The following COL17A1 variants were observed in gnomAD, a reference collection of about 807,000 sequenced individuals.
COL17A1 encodes the protein collagen type XVII alpha 1 chain.
A neutral mutation model predicts 218.4 loss-of-function variants in COL17A1; 181 were observed. The ratio of observed to expected loss-of-function variants is 0.83; its 90% confidence interval spans 0.73 to 0.94. COL17A1 has a LOEUF of 0.94. Ranked by LOEUF, COL17A1 falls within the 40% of genes least tolerant of loss-of-function variation. The probability of loss-of-function intolerance (pLI) is 0.00; values close to 1 mark genes in which losing one functional copy is unlikely to be tolerated. For missense variants in COL17A1, 1,924 were observed against 1,945.9 expected, an observed-to-expected ratio of 0.99 and a Z score of 0.21; for synonymous variants, 721 against 731.0, an observed-to-expected ratio of 0.99 and a Z score of 0.22.
chr10:104,073,275 A>G, intron 6 of COL17A1, 30 bp from the exon 7 acceptor site: 3 of 1,608,296 alleles, frequency 1.9e-6, no homozygotes, highest in East Asian at 2.2e-5. Flanking sequence ...ATTTTTAGGC[A>G]TATATAAGAG....
intron 29 of COL17A1, among the ~76,000 whole-genome samples, chr10:104,049,135 C>T (rs896461059): frequency 6.6e-6 from 1 of 152,110 alleles, no homozygotes; most frequent in African/African-American, 2.4e-5. Context: ...ACTGTCTTCC[C>T]CAGGGGAGTG....
chr10:104,082,885 G>A (rs534383713), intron 1 of COL17A1, among the ~76,000 whole-genome samples: 9 of 152,198 alleles, frequency 5.9e-5, no homozygotes, highest in Non-Finnish European at 1.2e-4. Flanking sequence ...CAGAGGGCAC[G>A]AAGTGATGAC....
intron 29 of COL17A1, 172 bp from the exon 30 acceptor site, chr10:104,048,276 C>A: frequency 1.3e-6 from 1 of 777,628 alleles, no homozygotes; most frequent in East Asian, 2.4e-5. Context: ...CCCACTGCCC[C>A]TTCTCCTAAA....
At chr10:104,036,033 GAAGTGTGTGTATAGGA>G in intron 48 of COL17A1, among the ~76,000 whole-genome samples, 1 of 128,788 alleles carries the variant, frequency 7.8e-6, no homozygotes, top group Non-Finnish European at 1.7e-5. Flanking sequence ...TCTGAGTATG[GAAGTGTGTGTATAGGA>G]GTGTGTGTAT....
intron 29 of COL17A1, among the ~76,000 whole-genome samples, chr10:104,048,895 G>A (rs1453854576): frequency 2.6e-5 from 4 of 151,548 alleles, no homozygotes; most frequent in African/African-American, 9.7e-5. Context: ...GTAGCGCAGT[G>A]GTGTAATCAT....
chr10:104,050,971 C>T lies in COL17A1; in HGVS notation c.2039-70G>A, dbSNP rs2086463932. The T allele has an allele frequency of 3.7e-6, 6 of 1,606,586 alleles. No homozygotes were observed. In the Admixed American group the frequency reaches 6.7e-5, roughly 18 times the overall value. Reference sequence around the variant, plus strand: ...TTTGGAATGATGAGACATGTATGCACACACATGCACACATACAGGCACACA... The same window carrying T: ...TTTGGAATGATGAGACATGTATGCATACACATGCACACATACAGGCACACA... On this transcript the variant is annotated intron_variant, in intron 25 of 55. Coordinates refer to ENST00000648076, the MANE Select transcript of COL17A1 (RefSeq NM_000494.4).
chr10:104,050,685 A>C (rs1227103711), intron 26 of COL17A1, 29 bp from the exon 27 acceptor site: 1 of 1,614,120 alleles, frequency 6.2e-7, no homozygotes, highest in South Asian at 1.1e-5. Flanking sequence ...CCTTGGTGTA[A>C]AATGCCCTAC....
At chr10:104,066,914 T>C (rs1439826228) in intron 9 of COL17A1, among the ~76,000 whole-genome samples, 1 of 152,182 alleles carries the variant, frequency 6.6e-6, no homozygotes, top group Non-Finnish European at 1.5e-5. Flanking sequence ...TAACAAGTAC[T>C]AAGGTTAGGA....
chr10:104,082,115 C>T (rs1011170703), intron 1 of COL17A1, among the ~76,000 whole-genome samples: 1 of 152,154 alleles, frequency 6.6e-6, no homozygotes, highest in Non-Finnish European at 1.5e-5. Flanking sequence ...ACTTCTTGCT[C>T]GTTGGTGTTT....
chr10:104,076,705 T>A (rs898866697), intron 4 of COL17A1, among the ~76,000 whole-genome samples: 3 of 152,216 alleles, frequency 2.0e-5, no homozygotes, highest in African/African-American at 7.2e-5. Flanking sequence ...GACTAGAATA[T>A]AATCCAGCGT....
At chr10:104,052,433 A>C (rs2086478850) in intron 23 of COL17A1, among the ~76,000 whole-genome samples, 1 of 152,158 alleles carries the variant, frequency 6.6e-6, no homozygotes, top group African/African-American at 2.4e-5. Context: ...GCACTCAATA[A>C]ATTTTATTGT....
At chr10:104,074,375 C>T in intron 5 of COL17A1, 144 bp from the exon 6 acceptor site, 1 of 1,201,022 alleles carries the variant, frequency 8.3e-7, no homozygotes, top group Non-Finnish European at 1.2e-6. Flanking sequence ...CTTCAGCATG[C>T]ATGTCAAAGG....
chr10:104,035,071 G>A (rs1415399285), intron 50 of COL17A1, among the ~76,000 whole-genome samples, 192 bp downstream of exon 50: 1 of 152,170 alleles, frequency 6.6e-6, no homozygotes, highest in Non-Finnish European at 1.5e-5. Flanking sequence ...GCCTGGGAAA[G>A]CCATCTCTCC....
chr10:104,075,859 T>C (rs1290527201), intron 5 of COL17A1, among the ~76,000 whole-genome samples: 2 of 152,248 alleles, frequency 1.3e-5, no homozygotes, highest in Non-Finnish European at 2.9e-5. Context: ...TTACTCGTCA[T>C]GAGGACCTCG....
intron 9 of COL17A1, among the ~76,000 whole-genome samples, chr10:104,065,768 G>A (rs941123556): frequency 3.3e-5 from 5 of 152,224 alleles, no homozygotes; most frequent in Non-Finnish European, 7.3e-5. Context: ...TTCACTGCTT[G>A]AAGAGAAGGT....
In COL17A1 at chr10:104,057,094, C is replaced by G. The variant is rs1188013869; in HGVS notation, c.1346G>C (p.Trp449Ser). Residue 449 changes from tryptophan (W) to serine (S), a missense_variant, in exon 17 of 56, where the codon TGG (tryptophan) becomes TCG (serine). Trp to Ser is a radical substitution (Grantham distance 177). Coordinates refer to ENST00000648076, the MANE Select transcript of COL17A1 (RefSeq NM_000494.4). ...GGVGGAGGGP[W>S]GPAPAWCPCG... ...GGGGCACCAGGCTGGCGCTGGTCCC[C>G]AAGGGCCGCCGCCAGCGCCACCAAC... The G allele has an allele frequency of 3.5e-5, 57 of 1,612,636 alleles. No homozygotes were observed. The highest frequency in any genetic ancestry group is 4.7e-5 in the Non-Finnish European group (56 of 1,179,300).
At chr10:104,040,574 ATGGATGGATGGATGGATGGATGGATAGG>A (rs2086348947) in intron 39 of COL17A1, among the ~76,000 whole-genome samples, 164 bp from the exon 40 acceptor site, 3 of 120,098 alleles carry the variant, frequency 2.5e-5, no homozygotes, top group Non-Finnish European at 3.7e-5. Context: ...GGGTGGGTGG[ATGGATGGATGGATGGATGGATGGATAGG>A]TGGATGGATG....
intron 9 of COL17A1, among the ~76,000 whole-genome samples, chr10:104,069,575 G>T (rs993252613): frequency 6.6e-6 from 1 of 152,176 alleles, no homozygotes; most frequent in African/African-American, 2.4e-5. Flanking sequence ...AAAGACTTTG[G>T]ACTGTCCCCT....
intron 13 of COL17A1, 89 bp from the exon 14 acceptor site, chr10:104,060,369 G>A: frequency 1.9e-6 from 3 of 1,558,014 alleles, no homozygotes; most frequent in Non-Finnish European, 2.6e-6. Flanking sequence ...GGAGAAGAAA[G>A]AGAAGGAGGA....
Sources: allele counts gnomAD v4.1 joint callset (sites outside exome capture counted in the v4.1 genomes callset), GRCh38; gene constraint gnomAD v4.1.1; transcripts MANE v1.5; gene names NCBI Gene and HGNC (gene_info 2026-07-23, HGNC 2026-07-21).